COL4A2: variants seen among roughly 807,000 people sequenced by gnomAD.
The protein encoded by COL4A2 is collagen type IV alpha 2 chain, also known as collagen alpha-2(IV) chain.
Under a neutral mutation model 200.2 loss-of-function variants are expected in COL4A2, and 99 were observed. The ratio of observed to expected loss-of-function variants is 0.49; its 90% CI spans 0.42 to 0.58. The LOEUF (loss-of-function observed/expected upper bound fraction) is 0.58. Ranked by LOEUF, COL4A2 falls within the 20% of genes least tolerant of loss-of-function variation. COL4A2 has a pLI of 0.00. For synonymous variants in COL4A2, 897 were observed against 900.6 expected (o/e 1.00, Z 0.07); for missense variants, 1,950 against 2,314.1 (o/e 0.84, Z 3.23).
intron 22 of COL4A2, chr13:110,459,903 G>C (rs1881955837): frequency 6.6e-6 from 1 of 152,162 alleles, no homozygotes; most frequent in Non-Finnish European, 1.5e-5. Flanking sequence ...TGCTTGTGTG[G>C]AGGTGTGGAC....
Position 110,485,320 on chromosome 13 carries a change from A to G in COL4A2, c.3025+293A>G, listed in dbSNP as rs183927448. ...GGGTGGATCACAAGGTGAGGAGATC[A>G]AGACCATCCTGGCTAACACGGTGAA... On this transcript the variant is annotated intron_variant, in intron 33 of 47. Coordinates refer to ENST00000360467, the MANE Select transcript of COL4A2 (RefSeq NM_001846.4). Among the ~76,000 whole-genome samples the G allele has an allele frequency of 0.012, 1,836 of 152,182 alleles. 24 individuals carry two copies. The highest frequency in any genetic ancestry group is 0.048 in the Middle Eastern group (14 of 294).
In COL4A2 at chr13:110,511,475, C is replaced by T. The variant is rs150281994; in HGVS notation, c.4882-459C>T. Among the ~76,000 whole-genome samples, 852 of 152,090 alleles carry T rather than the reference C, an allele frequency of 5.6e-3. 9 individuals are homozygous for T. The highest frequency in any genetic ancestry group is 8.9e-3 in the Non-Finnish European group (607 of 67,978). ...GGCCTGGCTGGGTGATTATTTTTAA[C>T]TTATTAGCCTCAGATGCCAGCCTAC... is the stretch of plus-strand genomic sequence containing the variant. On this transcript the variant is annotated intron_variant, in intron 47 of 47. Transcript: ENST00000360467.
At chr13:110,419,031 C>T (rs549685737) in intron 4 of COL4A2, among the ~76,000 whole-genome samples, 1 of 152,306 alleles carries the variant, frequency 6.6e-6, no homozygotes, top group South Asian at 2.1e-4. Context: ...TGGCAAAGAG[C>T]TCACAGAAAT....
chr13:110,493,429 G>C (rs1329428237), intron 39 of COL4A2, 147 bp downstream of exon 39: 20 of 737,254 alleles, frequency 2.7e-5, no homozygotes, highest in Non-Finnish European at 4.5e-5. Flanking sequence ...CGGCCGTGAG[G>C]GGCGGGTCCG....
rs760906110 is a variant in COL4A2 at position 110,480,376 on chromosome 13, C to T, written c.2744C>T (p.Thr915Ile). 33 of 1,610,766 alleles carry T rather than the reference C, an allele frequency of 2.0e-5. No homozygotes were observed. The highest frequency in any genetic ancestry group is 5.1e-5 in the Admixed American group (3 of 59,332). ...GFKGIDGMPGTPGLKGDRGSP... is the reference protein window; with the variant it reads ...GFKGIDGMPGIPGLKGDRGSP... Reference sequence around the variant, plus strand: ...AAAGGAATTGATGGAATGCCTGGGACCCCCGGGCTAAAAGGTAATTGTGTG... The same window carrying T: ...AAAGGAATTGATGGAATGCCTGGGATCCCCGGGCTAAAAGGTAATTGTGTG... Residue 915 changes from threonine (T) to isoleucine (I), a missense_variant, in exon 31 of 48, where the codon ACC becomes ATC. Transcript: ENST00000360467.
chr13:110,407,599 G>A (rs1879621184), intron 4 of COL4A2, among the ~76,000 whole-genome samples: 1 of 152,354 alleles, frequency 6.6e-6, no homozygotes, highest in East Asian at 1.9e-4. Flanking sequence ...TTGAATGAAG[G>A]CAGCTAAGAG....
At chr13:110,436,650 A>G (rs570479003) in intron 13 of COL4A2, among the ~76,000 whole-genome samples, 9 of 152,216 alleles carry the variant, frequency 5.9e-5, no homozygotes, top group African/African-American at 1.9e-4. Flanking sequence ...CTATCCTTAC[A>G]TTCAGTGTAG....
At chr13:110,339,235 C>G (rs933439313) in intron 3 of COL4A2, among the ~76,000 whole-genome samples, 1 of 152,158 alleles carries the variant, frequency 6.6e-6, no homozygotes, top group African/African-American at 2.4e-5. Flanking sequence ...GTGCAGAAAG[C>G]CTTCGTTTAG....
intron 4 of COL4A2, among the ~76,000 whole-genome samples, chr13:110,373,298 G>C (rs149606656): frequency 6.6e-6 from 1 of 152,210 alleles, no homozygotes; most frequent in Admixed American, 6.5e-5. Flanking sequence ...ACAAATGTTA[G>C]CCTTCTTTAC....
Position 110,438,387 on chromosome 13 carries a change from G to A in COL4A2, c.862-231G>A, listed in dbSNP as rs9559799. ...AGAGCTCCAGCTCTCCCTCGCGGTC[G>A]CTTACCACGTGACATGACACATGCA... is the stretch of plus-strand genomic sequence containing the variant. On this transcript the variant is annotated intron_variant, in intron 14 of 47. Transcript: ENST00000360467. Among the ~76,000 whole-genome samples the A allele has an allele frequency of 0.63, 95,896 of 152,162 alleles. 31,319 individuals carry two copies. Among genetic ancestry groups the A allele is most frequent in the East Asian group, 0.87 (4,496 of 5,156 alleles).
chr13:110,330,405 G>A (rs1315087263), intron 3 of COL4A2, among the ~76,000 whole-genome samples: 1 of 152,128 alleles, frequency 6.6e-6, no homozygotes, highest in African/African-American at 2.4e-5. Context: ...GCGGGGTGGA[G>A]GCGGGGGGGC....
chr13:110,374,608 G>A (rs1345211916), intron 4 of COL4A2, among the ~76,000 whole-genome samples: 2 of 152,112 alleles, frequency 1.3e-5, no homozygotes, highest in African/African-American at 2.4e-5. Flanking sequence ...CCAGGAACTG[G>A]CAAATCGATT....
chr13:110,471,217 C>T (rs112059800), intron 28 of COL4A2, among the ~76,000 whole-genome samples: 17 of 152,308 alleles, frequency 1.1e-4, no homozygotes, highest in African/African-American at 2.6e-4. Context: ...GCCATGTGTG[C>T]GTGAACGCCA....
intron 4 of COL4A2, among the ~76,000 whole-genome samples, chr13:110,366,058 T>C (rs895613589): frequency 5.3e-5 from 8 of 152,196 alleles, no homozygotes; most frequent in African/African-American, 1.9e-4. Context: ...TTCGAAATCC[T>C]TTTTTCCGAC....
At chr13:110,501,536 T>G in intron 40 of COL4A2, 132 bp from the exon 41 acceptor site, 1 of 739,710 alleles carries the variant, frequency 1.4e-6, no homozygotes, top group Non-Finnish European at 2.2e-6. Context: ...TTCCTTGGCC[T>G]GAGGGCACCT....
intron 39 of COL4A2, among the ~76,000 whole-genome samples, chr13:110,494,341 C>T (rs981414437): frequency 6.6e-6 from 1 of 152,104 alleles, no homozygotes; most frequent in African/African-American, 2.4e-5. Context: ...GAAGGCTTGG[C>T]AGCTTCTTGG....
chr13:110,458,498 A>G (rs996838703), intron 21 of COL4A2, among the ~76,000 whole-genome samples: 2 of 152,150 alleles, frequency 1.3e-5, no homozygotes, highest in African/African-American at 2.4e-5. Flanking sequence ...AACTCAACCT[A>G]TGCCTCTGAA....
intron 4 of COL4A2, among the ~76,000 whole-genome samples, chr13:110,421,877 A>G (rs1483136381): frequency 6.6e-6 from 1 of 152,242 alleles, no homozygotes; most frequent in Non-Finnish European, 1.5e-5. Flanking sequence ...GTGGTTAGCC[A>G]CTTTCCCCCA....
chr13:110,448,145 C>T (rs1015590145), intron 18 of COL4A2, among the ~76,000 whole-genome samples: 2 of 152,264 alleles, frequency 1.3e-5, no homozygotes, highest in African/African-American at 4.8e-5. Context: ...CTGAGACCCA[C>T]TAAAAAGAGC....
Sources: allele counts gnomAD v4.1 joint callset (sites outside exome capture counted in the v4.1 genomes callset), GRCh38; gene constraint gnomAD v4.1.1; transcripts MANE v1.5; gene names NCBI Gene and HGNC (gene_info 2026-07-23, HGNC 2026-07-21).